Variants in ABHD2 observed in about 807,000 individuals in gnomAD.
The protein encoded by ABHD2 is monoacylglycerol lipase ABHD2.
Under a neutral mutation model 48.1 loss-of-function variants are expected in ABHD2, and 20 were observed. The ratio of observed to expected loss-of-function variants is 0.42; its 90% CI spans 0.29 to 0.60. ABHD2 has a LOEUF of 0.60. Ranked by LOEUF, ABHD2 falls within the 20% of genes least tolerant of loss-of-function variation. ABHD2 has a pLI of 0.24. For synonymous variants in ABHD2, 209 were observed against 214.2 expected (o/e 0.98, Z 0.21); for missense variants, 405 against 550.9 (o/e 0.74, Z 2.65).
chr15:89,195,559 C>A lies in ABHD2; in HGVS notation c.*136C>A. On this transcript the variant is annotated 3_prime_UTR_variant, in exon 11 of 11. Coordinates refer to ENST00000352732, the MANE Select transcript of ABHD2 (RefSeq NM_152924.5). This position sits in a 1 kb window ranked among gnomAD's most constrained non-coding sequence, Gnocchi z 5.1. ...ATCAGCAGGGGGCACCCACCATGCACACCTGTCTCGGAGTAGGCAGCTCTT... is the reference window on the plus strand; with the variant it reads ...ATCAGCAGGGGGCACCCACCATGCAAACCTGTCTCGGAGTAGGCAGCTCTT... 1 of 918,124 alleles carries A rather than the reference C, an allele frequency of 1.1e-6. No individual in the cohort carries two copies. The highest frequency in any genetic ancestry group is 1.6e-6 in the Non-Finnish European group (1 of 631,536). The allele number at this position is 918,124 out of a possible 1,614,324, so 56.9% of individuals were successfully genotyped here.
intron 9 of ABHD2, among the ~76,000 whole-genome samples, chr15:89,192,438 C>T (rs117307868): frequency 9.9e-5 from 15 of 152,180 alleles, no homozygotes; most frequent in Non-Finnish European, 2.1e-4. Context: ...ATGTTGAATG[C>T]AACCCTGCCA....
At chr15:89,131,032 G>A (rs1223011684) in intron 3 of ABHD2, among the ~76,000 whole-genome samples, 1 of 152,100 alleles carries the variant, frequency 6.6e-6, no homozygotes, top group Non-Finnish European at 1.5e-5. Flanking sequence ...TTCACTGCAG[G>A]ACGTCATCAG....
the ABHD2 span, among the ~76,000 whole-genome samples, chr15:89,074,719 C>A: frequency 1.3e-5 from 2 of 152,176 alleles, no homozygotes; most frequent in Non-Finnish European, 2.9e-5. Context: ...CTGTCTCCAA[C>A]CCCTCCCCAA....
At position 89,097,783 on chromosome 15, in the gene ABHD2, T is replaced by C. The variant is rs925474929; in HGVS notation, c.-107+9220T>C. The stretch of plus-strand genomic sequence containing the variant: ...TTATGTGTGTCCCAGCAAATGTGTA[T>C]GCATCTATATTCTTTTTCTTTCTTT... On this transcript the variant is annotated intron_variant, in intron 1 of 10. Transcript: ENST00000352732. The surrounding 1 kb of genome is among the most constrained non-coding windows in gnomAD (Gnocchi z 4.2). Among the ~76,000 whole-genome samples the C allele has an allele frequency of 6.6e-6, 1 of 152,226 alleles. No individual in the cohort carries two copies. Among genetic ancestry groups the C allele is most frequent in the African/African-American group, 2.4e-5 (1 of 41,460 alleles).
At position 89,164,564 on chromosome 15, in the gene ABHD2, A is replaced by G. The variant is rs1254728247; in HGVS notation, c.538+9030A>G. 6.6e-6 allele frequency among the ~76,000 whole-genome samples: 1 copy of G among 152,106 alleles called. No individual in the cohort carries two copies. Among genetic ancestry groups the G allele is most frequent in the African/African-American group, 2.4e-5 (1 of 41,394 alleles). On this transcript the variant is annotated intron_variant, in intron 5 of 10. Coordinates refer to ENST00000352732, the MANE Select transcript of ABHD2 (RefSeq NM_152924.5). This position sits in a 1 kb window ranked among gnomAD's most constrained non-coding sequence, Gnocchi z 5.0. ...CACTTTGGGACGCCCAGGCTGGCAG[A>G]TCACTTGAGCCCAGGAGTTTGAGAC...
chr15:89,068,752 C>CAGTTTT, the ABHD2 span, among the ~76,000 whole-genome samples: 99 of 85,162 alleles, frequency 1.2e-3, 1 homozygote, highest in Middle Eastern at 6.7e-3. Flanking sequence ...GGCAAGCTTC[C>CAGTTTT]TCTTTTTTTT....
the ABHD2 span, among the ~76,000 whole-genome samples, chr15:89,074,375 G>GA: frequency 0.027 from 3,755 of 138,556 alleles, 66 homozygotes; most frequent in African/African-American, 0.041. Flanking sequence ...AACTCCATCT[G>GA]AAAAAAAAAA....
At chr15:89,159,598 G>A (rs775198319) in intron 5 of ABHD2, among the ~76,000 whole-genome samples, 1 of 152,108 alleles carries the variant, frequency 6.6e-6, no homozygotes, top group African/African-American at 2.4e-5. Flanking sequence ...AGGGGAGTGC[G>A]CTATGGAAGG....
intron 6 of ABHD2, among the ~76,000 whole-genome samples, chr15:89,178,098 C>A (rs2051046267): frequency 6.6e-6 from 1 of 152,214 alleles, no homozygotes; most frequent in Non-Finnish European, 1.5e-5. Flanking sequence ...ACATAACTAA[C>A]TATTGGCACA....
chr15:89,110,085 CT>C (rs1377409450), intron 1 of ABHD2, among the ~76,000 whole-genome samples: 1 of 151,192 alleles, frequency 6.6e-6, no homozygotes, highest in Admixed American at 6.6e-5. Flanking sequence ...CTCTTATTTT[CT>C]TTTTTTTTAT....
intron 3 of ABHD2, among the ~76,000 whole-genome samples, chr15:89,144,077 C>T (rs1470993038): frequency 1.3e-5 from 2 of 152,178 alleles, no homozygotes; most frequent in African/African-American, 4.8e-5. Context: ...AAAGCCTGTA[C>T]ATAAATGCTC....
rs1479653512 is a variant in ABHD2 at position 89,197,850 on chromosome 15, C to T, written c.*2427C>T. ...GCTGAAATCTTTTTAGTGTGTGGCT[C>T]TGAATGGCACTCACATTCCATTTTG... On this transcript the variant is annotated 3_prime_UTR_variant, in exon 11 of 11. Transcript: ENST00000352732. This position sits in a 1 kb window ranked among gnomAD's most constrained non-coding sequence, Gnocchi z 4.4. 4.6e-5 allele frequency: 7 copies of T among 152,182 alleles called. No homozygotes were observed. Among genetic ancestry groups the T allele is most frequent in the Non-Finnish European group, 8.8e-5 (6 of 68,036 alleles). The allele number at this position is 152,182 out of a possible 1,614,324, so 9.4% of individuals were successfully genotyped here. A position where few individuals can be genotyped will look rare whatever the true frequency, so the allele number is the denominator to read the frequency against.
chr15:89,142,654 C>T (rs1170076077), intron 3 of ABHD2, among the ~76,000 whole-genome samples: 7 of 152,184 alleles, frequency 4.6e-5, no homozygotes, highest in African/African-American at 7.2e-5. Flanking sequence ...AGGACCCCCA[C>T]GGAGCTCCTC....
chr15:89,049,324 G>A, the ABHD2 span, among the ~76,000 whole-genome samples: 1 of 152,250 alleles, frequency 6.6e-6, no homozygotes, highest in African/African-American at 2.4e-5. Context: ...AGTCTGTAGA[G>A]GTTACTGCTG....
chr15:89,133,834 A>ATTTTT lies in ABHD2; in HGVS notation c.194+17329_194+17333dup, dbSNP rs71464448. On this transcript the variant is annotated intron_variant, in intron 3 of 10. Coordinates refer to ENST00000352732, the MANE Select transcript of ABHD2 (RefSeq NM_152924.5). ...CCCATAGTGGTATTTGCCATGCATA[A>ATTTTT]TTTTTTTTTTTTTTTTTTTTGAGAC... Among the ~76,000 whole-genome samples the ATTTTT allele has an allele frequency of 4.7e-4, 58 of 123,754 alleles. 1 individual carries two copies. The highest frequency in any genetic ancestry group is 1.5e-3 in the Admixed American group (17 of 11,198). 81.2% of individuals were successfully genotyped at this position (123,754 alleles called of 152,430 possible).
chr15:89,158,098 C>T (rs944051005), intron 5 of ABHD2, among the ~76,000 whole-genome samples: 1 of 152,108 alleles, frequency 6.6e-6, no homozygotes, highest in African/African-American at 2.4e-5. Flanking sequence ...ACTAACAGTA[C>T]AGTGTGAACA....
At chr15:89,080,747 T>G in the ABHD2 span, among the ~76,000 whole-genome samples, 1 of 149,212 alleles carries the variant, frequency 6.7e-6, no homozygotes, top group South Asian at 2.1e-4. Flanking sequence ...CAGGCTGGAG[T>G]GCAGTGGCCC....
intron 5 of ABHD2, among the ~76,000 whole-genome samples, chr15:89,160,743 C>T (rs539619568): frequency 6.6e-6 from 1 of 152,236 alleles, no homozygotes; most frequent in Non-Finnish European, 1.5e-5. Context: ...TGGAACATTG[C>T]AGAGGGTAGG....
chr15:89,118,592 T>C (rs550166430), intron 3 of ABHD2, among the ~76,000 whole-genome samples: 4 of 152,322 alleles, frequency 2.6e-5, no homozygotes, highest in African/African-American at 9.6e-5. Flanking sequence ...ATCTCATTCT[T>C]AGAGAGCTCT....
Sources: allele counts gnomAD v4.1 joint callset (sites outside exome capture counted in the v4.1 genomes callset), GRCh38; gene constraint gnomAD v4.1.1; non-coding constraint Gnocchi (gnomAD v3.1); transcripts MANE v1.5; gene names NCBI Gene and HGNC (gene_info 2026-07-23, HGNC 2026-07-21).